The following PUF60 variants were observed in gnomAD, a reference collection of about 807,000 sequenced individuals.
PUF60 encodes the protein poly(U)-binding-splicing factor PUF60.
PUF60 carries 10 observed loss-of-function variants against 61.8 expected under a neutral mutation model. The ratio of observed to expected loss-of-function variants is 0.16; its 90% CI spans 0.10 to 0.27. PUF60 has a LOEUF of 0.27. PUF60 is among the 10% of genes least tolerant of loss of function. The probability of loss-of-function intolerance (pLI) is 1.00; values close to 1 mark genes in which losing one functional copy is unlikely to be tolerated. For synonymous variants in PUF60, 353 were observed against 300.9 expected, an observed-to-expected ratio of 1.17 and a Z score of -1.79; for missense variants, 371 against 754.0, an observed-to-expected ratio of 0.49 and a Z score of 5.95.
At chr8:143,824,248 A>AGGCAGGCG (rs1175960415) in intron 2 of PUF60, 65 bp downstream of exon 2, 26 of 1,468,940 alleles carry the variant, frequency 1.8e-5, no homozygotes, top group East Asian at 1.2e-4. Flanking sequence ...AGGGACGCAC[A>AGGCAGGCG]GGCAGGCGGG....
chr8:143,824,171 G>A, intron 2 of PUF60, 142 bp downstream of exon 2: 3 of 809,900 alleles, frequency 3.7e-6, no homozygotes, highest in Non-Finnish European at 1.9e-6. Context: ...GCAGTTGTCT[G>A]CCCAGAGGCA....
chr8:143,821,753 C>CGCCCCT lies in PUF60; in HGVS notation c.207+59_207+64dup, dbSNP rs1210088113. The CGCCCCT allele has an allele frequency of 2.2e-3, 3,417 of 1,550,780 alleles. 25 individuals carry two copies. Among genetic ancestry groups the CGCCCCT allele is most frequent in the African/African-American group, 0.021 (1,532 of 73,516 alleles). On this transcript the variant is annotated intron_variant, in intron 3 of 11. Transcript: ENST00000526683. ...TGGGAGACAGGCCTGCCCCGCACCC[C>CGCCCCT]GCCCCTGCCCCTGCCCCCAGTTGAC...
chr8:143,829,289 G>GGTCGCC lies in PUF60; in HGVS notation c.9_14dup (p.Ala4_Thr5dup), dbSNP rs1818030247. On this transcript the variant is annotated inframe_insertion, in exon 1 of 12. Coordinates refer to ENST00000526683, the MANE Select transcript of PUF60 (RefSeq NM_078480.3). The stretch of plus-strand genomic sequence containing the variant: ...GGGGGGGCTCACTTACGAGAGCTAT[G>GGTCGCC]GTCGCCGTCGCCATCTTGCGTCCGT... The GGTCGCC allele has an allele frequency of 3.2e-6, 4 of 1,268,266 alleles. No individual in the cohort carries two copies. The highest frequency in any genetic ancestry group is 3.1e-5 in the East Asian group (1 of 31,812). The allele number at this position is 1,268,266 out of a possible 1,614,324, so 78.6% of individuals were successfully genotyped here.
intron 5 of PUF60, among the ~76,000 whole-genome samples, chr8:143,819,503 C>T (rs1340395895): frequency 6.6e-6 from 1 of 152,186 alleles, no homozygotes; most frequent in Non-Finnish European, 1.5e-5. Context: ...GCCTTGTGGC[C>T]AGAGACCAGT....
At position 143,817,255 on chromosome 8, in the gene PUF60, G is replaced by A; in HGVS notation, c.1144+76C>T. The stretch of plus-strand genomic sequence containing the variant: ...AGAGGGTTGTGCCCAGACCACCAGG[G>A]CCAGGCAGCTGAGGGCAGCGAGCCG... On this transcript the variant is annotated intron_variant, in intron 10 of 11. Coordinates refer to ENST00000526683, the MANE Select transcript of PUF60 (RefSeq NM_078480.3). The surrounding 1 kb of genome is among the most constrained non-coding windows in gnomAD (Gnocchi z 7.4). 9 of 1,534,296 alleles carry A rather than the reference G, an allele frequency of 5.9e-6. No homozygotes were observed. The highest frequency in any genetic ancestry group is 7.9e-6 in the Non-Finnish European group (9 of 1,142,678).
At chr8:143,827,078 CAA>C (rs936523921) in intron 1 of PUF60, 5 of 319,168 alleles carry the variant, frequency 1.6e-5, no homozygotes, top group African/African-American at 1.1e-4. Context: ...AGACACGAGA[CAA>C]GAGAGAAAGA....
rs1416243270 is a variant in PUF60, at chr8:143,816,574, C to G, written c.1626G>C (p.Val542=). The change falls in exon 12 of 12, where the codon GTG becomes GTC. Residue 542 remains valine, a synonymous_variant. Transcript: ENST00000526683. ...GCTCCTGGTCGTACACTTCAGCCAC[C>G]ACCTTGCGGCCAGCAAACCAGCGGC... is the stretch of plus-strand genomic sequence containing the variant. ...LNGRWFAGRK[V]VAEVYDQERF... 6.2e-7 allele frequency: 1 copy of G among 1,613,542 alleles called. No individual in the cohort carries two copies. The highest frequency in any genetic ancestry group is 8.5e-7 in the Non-Finnish European group (1 of 1,179,876).
chr8:143,824,515 G>A lies in PUF60; in HGVS notation c.25-116C>T. The A allele has an allele frequency of 6.4e-6, 7 of 1,095,142 alleles. No individual in the cohort carries two copies. In the South Asian group the frequency reaches 1.0e-4, roughly 16 times the overall value. The allele number at this position is 1,095,142 out of a possible 1,614,324, so 67.8% of individuals were successfully genotyped here. A position where few individuals can be genotyped will look rare whatever the true frequency, so the allele number is the denominator to read the frequency against. On this transcript the variant is annotated intron_variant, in intron 1 of 11. Coordinates refer to ENST00000526683, the MANE Select transcript of PUF60 (RefSeq NM_078480.3). The stretch of plus-strand genomic sequence containing the variant: ...CGGATAAGCAAGGGAGGCCAGGCAG[G>A]GAGGCATTCCCGACATGACCCCCCA...
In PUF60 at chr8:143,818,342, G is replaced by T. The variant is rs369947844; in HGVS notation, c.510+31C>A. On this transcript the variant is annotated intron_variant, in intron 6 of 11. Transcript: ENST00000526683. The surrounding 1 kb of genome is among the most constrained non-coding windows in gnomAD (Gnocchi z 7.9). ...CGAGCCCAGGGGTGGGGGCGAGCCC[G>T]AAGTGGCCGGGGCGGACCAAGCCTG... The T allele has an allele frequency of 5.2e-5, 84 of 1,609,640 alleles. No homozygotes were observed. The highest frequency in any genetic ancestry group is 6.9e-5 in the Non-Finnish European group (81 of 1,177,574).
Position 143,817,036 on chromosome 8 carries a change from C to T in PUF60, c.1254G>A (p.Glu418=), listed in dbSNP as rs117178721. Residue 418 remains glutamate (E), a synonymous_variant, in exon 11 of 12, where the codon GAG becomes GAA. Coordinates refer to ENST00000526683, the MANE Select transcript of PUF60 (RefSeq NM_078480.3). This position sits in a 1 kb window ranked among gnomAD's most constrained non-coding sequence, Gnocchi z 7.4. ...CGGGAAACAGCTCCTCTTCTTCCTT[C>T]TCCTTCTTGGGCTCCAGGAGACCCA... The part of the protein sequence containing the change: ...PTLGLLEPKK[E]KEEEELFPES... 5.8e-4 allele frequency: 932 copies of T among 1,610,940 alleles called. 14 individuals are homozygous for T. The East Asian group carries it at 0.016, about 28-fold the overall frequency.
At chr8:143,826,300 T>C (rs1393273569) in intron 1 of PUF60, among the ~76,000 whole-genome samples, 2 of 152,196 alleles carry the variant, frequency 1.3e-5, no homozygotes, top group Admixed American at 6.5e-5. Flanking sequence ...AAAAGCAATG[T>C]AGGGGCTGGG....
chr8:143,827,606 C>A, intron 1 of PUF60: 1 of 365,174 alleles, frequency 2.7e-6, no homozygotes. Flanking sequence ...AACAGATAAC[C>A]CTTCTAGAAG....
At chr8:143,821,031 G>A (rs6996628) in intron 4 of PUF60, among the ~76,000 whole-genome samples, 132,868 of 152,246 alleles carry the variant, frequency 0.87, 58,254 homozygotes, top group East Asian at 0.98. Flanking sequence ...AGGGCTGGGC[G>A]GGGGGGCGTG....
chr8:143,817,174 T>A lies in PUF60; in HGVS notation c.1145-29A>T. 6.4e-7 allele frequency: 1 copy of A among 1,557,380 alleles called. No homozygotes were observed. Among genetic ancestry groups the A allele is most frequent in the Non-Finnish European group, 8.7e-7 (1 of 1,150,086 alleles). On this transcript the variant is annotated intron_variant, in intron 10 of 11. Coordinates refer to ENST00000526683, the MANE Select transcript of PUF60 (RefSeq NM_078480.3). The surrounding 1 kb of genome is among the most constrained non-coding windows in gnomAD (Gnocchi z 7.4). Reference sequence around the variant, plus strand: ...CAGGAAAACCAACCAGGTCCATCAGTCACTCCCTACCACCCCCCTTCCCAG... The same window carrying A: ...CAGGAAAACCAACCAGGTCCATCAGACACTCCCTACCACCCCCCTTCCCAG...
intron 1 of PUF60, chr8:143,827,176 A>C (rs1274007401): frequency 3.1e-6 from 1 of 326,074 alleles, no homozygotes; most frequent in Non-Finnish European, 6.0e-6. Flanking sequence ...CACTACGAAG[A>C]AAGCACAGGA....
At chr8:143,828,553 A>T (rs1412649015) in intron 1 of PUF60, among the ~76,000 whole-genome samples, 1 of 152,174 alleles carries the variant, frequency 6.6e-6, no homozygotes, top group Non-Finnish European at 1.5e-5. Context: ...ACTCCTCTGG[A>T]TGCCCACGCA....
At chr8:143,825,892 CAAGT>C (rs1257392196) in intron 1 of PUF60, among the ~76,000 whole-genome samples, 1 of 152,222 alleles carries the variant, frequency 6.6e-6, no homozygotes, top group African/African-American at 2.4e-5. Context: ...CACTAACCAA[CAAGT>C]AAGCCACAAC....
rs369353284 is a variant in PUF60 at position 143,824,364 on chromosome 8, C to A, written c.60G>T (p.Pro20=). ...VNGQQGGGSE[P]AAAAAVVAAG... ...CTGCCACCACTGCCGCCGCCGCCGC[C>A]GGCTCGGACCCCCCTCCTTGCTGGC... Residue 20 remains proline (P), a synonymous_variant, in exon 2 of 12, where the codon CCG becomes CCT. Coordinates refer to ENST00000526683, the MANE Select transcript of PUF60 (RefSeq NM_078480.3). 1 of 1,612,628 alleles carries A rather than the reference C, an allele frequency of 6.2e-7. No homozygotes were observed. The highest frequency in any genetic ancestry group is 1.1e-5 in the South Asian group (1 of 91,076).
intron 1 of PUF60, 112 bp from the exon 2 acceptor site, chr8:143,824,511 G>T: frequency 8.9e-7 from 1 of 1,119,216 alleles, no homozygotes; most frequent in Non-Finnish European, 1.3e-6. Context: ...GGGAGGCCAG[G>T]CAGGGAGGCA....
Sources: allele counts gnomAD v4.1 joint callset (sites outside exome capture counted in the v4.1 genomes callset), GRCh38; gene constraint gnomAD v4.1.1; non-coding constraint Gnocchi (gnomAD v3.1); transcripts MANE v1.5; gene names NCBI Gene and HGNC (gene_info 2026-07-23, HGNC 2026-07-21).